CCSER1: variants seen among roughly 807,000 people sequenced by gnomAD.
CCSER1 encodes serine-rich coiled-coil domain-containing protein 1.
In CCSER1, 41 loss-of-function variants were observed where a neutral mutation model predicts 82.0. The ratio of observed to expected loss-of-function variants is 0.50; its 90% CI spans 0.39 to 0.65. The LOEUF (loss-of-function observed/expected upper bound fraction) is 0.65. Among genes scored for constraint, CCSER1 ranks in the 30% least tolerant of loss-of-function variants. The pLI, the probability that CCSER1 is intolerant of heterozygous loss-of-function variation, is 0.00. For missense variants in CCSER1, 1,119 were observed against 1,064.2 expected (o/e 1.05, Z -0.72); for synonymous variants, 414 against 383.9 (o/e 1.08, Z -0.92).
chr4:91,002,670 T>C (rs911870189), intron 9 of CCSER1, among the ~76,000 whole-genome samples: 6 of 152,176 alleles, frequency 3.9e-5, no homozygotes, highest in African/African-American at 1.4e-4. Flanking sequence ...TTTTTAAAAT[T>C]TTCTTAGATT....
intron 6 of CCSER1, among the ~76,000 whole-genome samples, chr4:90,702,035 C>T (rs1003077784): frequency 6.6e-6 from 1 of 152,122 alleles, no homozygotes; most frequent in Non-Finnish European, 1.5e-5. Flanking sequence ...TGAGAGAGGG[C>T]ACACCTGCCT....
chr4:91,098,511 T>G (rs1296489172), intron 10 of CCSER1, among the ~76,000 whole-genome samples: 1 of 152,154 alleles, frequency 6.6e-6, no homozygotes, highest in Non-Finnish European at 1.5e-5. Flanking sequence ...GCAAAGTCAC[T>G]CTTTTCTCTT....
intron 10 of CCSER1, among the ~76,000 whole-genome samples, chr4:91,383,683 C>T (rs898360425): frequency 6.6e-6 from 1 of 151,952 alleles, no homozygotes; most frequent in Non-Finnish European, 1.5e-5. Context: ...TATGTTGCTC[C>T]GTATAGAATA....
chr4:90,684,698 C>T (rs546228145), intron 6 of CCSER1, among the ~76,000 whole-genome samples: 2 of 152,240 alleles, frequency 1.3e-5, no homozygotes, highest in South Asian at 2.1e-4. Context: ...CTAAATCTCA[C>T]CTTGAATTCC....
intron 10 of CCSER1, among the ~76,000 whole-genome samples, chr4:91,254,124 C>T (rs770587147): frequency 2.6e-5 from 4 of 152,110 alleles, no homozygotes; most frequent in Admixed American, 2.0e-4. Flanking sequence ...ATAAATACTT[C>T]AGTACTCTTC....
chr4:91,580,594 C>T (rs558286051), intron 10 of CCSER1, among the ~76,000 whole-genome samples: 8 of 151,692 alleles, frequency 5.3e-5, no homozygotes, highest in Non-Finnish European at 1.0e-4. Context: ...GGTGAACAGG[C>T]AGGCATTTAG....
intron 6 of CCSER1, among the ~76,000 whole-genome samples, chr4:90,641,296 A>C (rs1033479023): frequency 6.6e-6 from 1 of 152,170 alleles, no homozygotes; most frequent in Non-Finnish European, 1.5e-5. Flanking sequence ...ATATGTATAT[A>C]GTAAGACCAT....
chr4:91,191,928 G>A (rs1735026448), intron 10 of CCSER1, among the ~76,000 whole-genome samples: 1 of 152,124 alleles, frequency 6.6e-6, no homozygotes, highest in Non-Finnish European at 1.5e-5. Flanking sequence ...AACCTTGGCT[G>A]AAATAAGAAA....
At chr4:90,233,762 A>T (rs1219429668) in intron 1 of CCSER1, among the ~76,000 whole-genome samples, 2 of 151,816 alleles carry the variant, frequency 1.3e-5, no homozygotes, top group South Asian at 2.1e-4. Context: ...AGCAGTAGAA[A>T]TCATGGTGCT....
At chr4:91,545,681 C>A (rs552497962) in intron 10 of CCSER1, among the ~76,000 whole-genome samples, 2 of 152,044 alleles carry the variant, frequency 1.3e-5, no homozygotes, top group East Asian at 3.9e-4. Context: ...AGAAGGGCTT[C>A]TTTTGTTTAT....
chr4:91,235,462 T>C (rs1402902162), intron 10 of CCSER1, among the ~76,000 whole-genome samples: 3 of 152,202 alleles, frequency 2.0e-5, no homozygotes, highest in Non-Finnish European at 4.4e-5. Context: ...CTAAATTTGA[T>C]AATTATGCAT....
At chr4:91,435,455 G>A (rs1446471635) in intron 10 of CCSER1, among the ~76,000 whole-genome samples, 1 of 146,330 alleles carries the variant, frequency 6.8e-6, no homozygotes, top group African/African-American at 2.5e-5. Context: ...AAAAAAAAAT[G>A]TATCTAAACA....
At chr4:90,328,029 A>G (rs886459711) in intron 3 of CCSER1, among the ~76,000 whole-genome samples, 9 of 152,034 alleles carry the variant, frequency 5.9e-5, no homozygotes, top group African/African-American at 1.9e-4. Context: ...CACACTTTAA[A>G]CACAGCTATT....
At chr4:91,287,712 A>C (rs1313789129) in intron 10 of CCSER1, among the ~76,000 whole-genome samples, 1 of 151,952 alleles carries the variant, frequency 6.6e-6, no homozygotes, top group African/African-American at 2.4e-5. Context: ...AATCTTCAGA[A>C]GGTAGGCTTC....
intron 10 of CCSER1, among the ~76,000 whole-genome samples, chr4:91,534,214 C>G (rs1355564130): frequency 6.6e-6 from 1 of 151,952 alleles, no homozygotes; most frequent in African/African-American, 2.4e-5. Context: ...TCCAAATTGC[C>G]AGGCACACTC....
intron 10 of CCSER1, among the ~76,000 whole-genome samples, chr4:91,532,592 T>A (rs2110171812): frequency 6.6e-6 from 1 of 152,280 alleles, no homozygotes; most frequent in Middle Eastern, 3.4e-3. Flanking sequence ...ATGTCTTCAA[T>A]TAAAAGTTAC....
chr4:91,061,371 C>T (rs1463008797), intron 9 of CCSER1, among the ~76,000 whole-genome samples: 9 of 151,816 alleles, frequency 5.9e-5, no homozygotes, highest in South Asian at 2.1e-4. Context: ...TGACTTAATC[C>T]GGTGGCTCCA....
chr4:90,859,818 A>T (rs187107542), intron 8 of CCSER1, among the ~76,000 whole-genome samples: 1 of 151,878 alleles, frequency 6.6e-6, no homozygotes, highest in East Asian at 1.9e-4. Context: ...AAAGTGAATA[A>T]TTTTGGATCT....
chr4:90,738,225 G>T (rs960792690), intron 7 of CCSER1, among the ~76,000 whole-genome samples: 1 of 152,012 alleles, frequency 6.6e-6, no homozygotes, highest in African/African-American at 2.4e-5. Context: ...TGCAGTCTGG[G>T]CTTGTTTTTG....
Sources: allele counts gnomAD v4.1 joint callset (sites outside exome capture counted in the v4.1 genomes callset), GRCh38; gene constraint gnomAD v4.1.1; transcripts MANE v1.5; gene names NCBI Gene and HGNC (gene_info 2026-07-23, HGNC 2026-07-21).